Variants in ZFP3 observed in about 807,000 individuals in gnomAD.
The protein encoded by ZFP3 is ZFP3 zinc finger protein.
In ZFP3, 18 loss-of-function variants were observed where a neutral mutation model predicts 36.7. That is an observed-to-expected ratio of 0.49 (90% confidence interval 0.34 to 0.73). The LOEUF is 0.73. Ranked by LOEUF, ZFP3 falls within the 30% of genes least tolerant of loss-of-function variation. ZFP3 has a pLI of 0.01. For missense variants in ZFP3, 495 were observed against 599.0 expected (o/e 0.83, Z 1.81); for synonymous variants, 218 against 199.0 (o/e 1.10, Z -0.81).
chr17:5,087,814 C>T (rs1022882320), intron 1 of ZFP3, among the ~76,000 whole-genome samples: 12 of 152,178 alleles, frequency 7.9e-5, no homozygotes, highest in African/African-American at 2.2e-4. Flanking sequence ...CCTGCCCTTT[C>T]GTCCCTGCTT....
intron 1 of ZFP3, among the ~76,000 whole-genome samples, chr17:5,083,633 C>G (rs920223168): frequency 1.3e-5 from 2 of 151,572 alleles, no homozygotes; most frequent in African/African-American, 4.8e-5. Flanking sequence ...AAATATAGAT[C>G]TCTTGGTCCC....
At chr17:5,080,896 C>T (rs1461457232) in intron 1 of ZFP3, among the ~76,000 whole-genome samples, 2 of 152,114 alleles carry the variant, frequency 1.3e-5, no homozygotes, top group Non-Finnish European at 2.9e-5. Flanking sequence ...GGCCCCTCTT[C>T]ACTCTGATGC....
chr17:5,083,950 T>C (rs1460273939), intron 1 of ZFP3, among the ~76,000 whole-genome samples: 1 of 151,920 alleles, frequency 6.6e-6, no homozygotes. Flanking sequence ...CACTGCAACC[T>C]CCACCTCCCA....
At chr17:5,091,409 G>C in intron 1 of ZFP3, 88 bp from the exon 2 acceptor site, 2 of 1,360,340 alleles carry the variant, frequency 1.5e-6, no homozygotes, top group Non-Finnish European at 2.0e-6. Context: ...AGTGCTATGA[G>C]AACTACATCA....
At chr17:5,082,523 C>A (rs539847007) in intron 1 of ZFP3, among the ~76,000 whole-genome samples, 1 of 152,200 alleles carries the variant, frequency 6.6e-6, no homozygotes, top group African/African-American at 2.4e-5. Flanking sequence ...TTGCTCCCAA[C>A]AAAATTTTAC....
intron 1 of ZFP3, among the ~76,000 whole-genome samples, chr17:5,090,659 A>C (rs1227617366): frequency 1.3e-5 from 2 of 152,036 alleles, no homozygotes; most frequent in Non-Finnish European, 2.9e-5. Context: ...AAAGTTATTT[A>C]TATTAACTTG....
chr17:5,086,696 A>G (rs894620116), intron 1 of ZFP3, among the ~76,000 whole-genome samples: 3 of 140,824 alleles, frequency 2.1e-5, no homozygotes, highest in African/African-American at 8.0e-5. Flanking sequence ...ATATGTGACT[A>G]TCTATTGTCT....
chr17:5,081,203 C>T (rs1475251911), intron 1 of ZFP3, among the ~76,000 whole-genome samples: 1 of 151,718 alleles, frequency 6.6e-6, no homozygotes, highest in African/African-American at 2.4e-5. Context: ...ACACCATTCT[C>T]CTGCCTCAGC....
intron 1 of ZFP3, among the ~76,000 whole-genome samples, chr17:5,083,524 A>AAC (rs1812553745): frequency 6.6e-6 from 1 of 150,446 alleles, no homozygotes; most frequent in African/African-American, 2.4e-5. Context: ...CCAGCTGGGG[A>AAC]ACAAGAGTGA....
Position 5,092,790 on chromosome 17 carries a change from C to G in ZFP3, c.1286C>G (p.Thr429Ser). The change falls in exon 2 of 2, where the codon ACC becomes AGC. Residue 429 changes from threonine to serine, a missense_variant. This residue lies in a region of ZFP3 where 163 missense variants were observed against 178.4 expected (regional missense o/e 0.91). Transcript: ENST00000318833. This position sits in a 1 kb window ranked among gnomAD's most constrained non-coding sequence, Gnocchi z 5.0. ...KPHQCNECARTFWDNSELLLH... is the reference protein window; with the variant it reads ...KPHQCNECARSFWDNSELLLH... ...CATCAATGTAATGAGTGTGCAAGAA[C>G]CTTTTGGGATAATTCTGAGCTGCTT... 1 of 1,614,082 alleles carries G rather than the reference C, an allele frequency of 6.2e-7. No individual in the cohort carries two copies. Among genetic ancestry groups the G allele is most frequent in the Non-Finnish European group, 8.5e-7 (1 of 1,180,024 alleles).
chr17:5,092,869 G>A lies in ZFP3; in HGVS notation c.1365G>A (p.Glu455=). 1 of 1,614,176 alleles carries A rather than the reference G, an allele frequency of 6.2e-7. No individual in the cohort carries two copies. Among genetic ancestry groups the A allele is most frequent in the Non-Finnish European group, 8.5e-7 (1 of 1,180,038 alleles). ...AACCTTATGAATGTAGCGAGTGTGA[G>A]AAAACATTTAGCCAGCATTCCCAAC... ...GEKPYECSEC[E]KTFSQHSQLI... Residue 455 remains glutamate, a synonymous_variant, in exon 2 of 2, where the codon GAG becomes GAA. Coordinates refer to ENST00000318833, the MANE Select transcript of ZFP3 (RefSeq NM_153018.3). This position sits in a 1 kb window ranked among gnomAD's most constrained non-coding sequence, Gnocchi z 5.0.
At chr17:5,087,077 AT>A (rs35379036) in intron 1 of ZFP3, among the ~76,000 whole-genome samples, 266 of 101,540 alleles carry the variant, frequency 2.6e-3, no homozygotes, top group Middle Eastern at 7.9e-3. Context: ...ACTGCATTTG[AT>A]TTTTTTTTTT....
intron 1 of ZFP3, among the ~76,000 whole-genome samples, chr17:5,087,512 G>A (rs977351060): frequency 2.6e-5 from 4 of 152,084 alleles, no homozygotes; most frequent in South Asian, 4.2e-4. Context: ...CTTTATGAAC[G>A]GAGTCTGAAC....
At chr17:5,079,960 G>T (rs890270630) in intron 1 of ZFP3, among the ~76,000 whole-genome samples, 3 of 152,096 alleles carry the variant, frequency 2.0e-5, no homozygotes, top group Non-Finnish European at 1.5e-5. Context: ...AATCGCCTGA[G>T]CCTGGGAGGC....
chr17:5,091,657 G>C lies in ZFP3; in HGVS notation c.153G>C (p.Ser51=). 3 of 1,614,184 alleles carry C rather than the reference G, an allele frequency of 1.9e-6. No individual in the cohort carries two copies. The highest frequency in any genetic ancestry group is 2.5e-6 in the Non-Finnish European group (3 of 1,180,016). ...GCEEDMLEGH[S]RESMEEVIEQ... ...AAGAAGACATGTTGGAGGGACATTC[G>C]AGAGAGTCCATGGAAGAGGTTATAG... Residue 51 remains serine (S), a synonymous_variant, in exon 2 of 2, where the codon TCG becomes TCC. Transcript: ENST00000318833.
intron 1 of ZFP3, among the ~76,000 whole-genome samples, chr17:5,086,300 A>C (rs899036340): frequency 5.3e-5 from 8 of 152,130 alleles, no homozygotes; most frequent in African/African-American, 1.7e-4. Context: ...CCCGAGCCGG[A>C]TGGTGTTAGT....
At position 5,089,739 on chromosome 17, in the gene ZFP3, TTGACCCCCTGGGCTCAAG is replaced by T. The variant is rs532672914; in HGVS notation, c.-8-1751_-8-1734del. Among the ~76,000 whole-genome samples, 392 of 147,144 alleles carry T rather than the reference TTGACCCCCTGGGCTCAAG, an allele frequency of 2.7e-3. 5 individuals carry two copies. The highest frequency in any genetic ancestry group is 9.4e-3 in the African/African-American group (378 of 40,324). On this transcript the variant is annotated intron_variant, in intron 1 of 1. Transcript: ENST00000318833. Reference sequence around the variant, plus strand: ...GGCACAATCACGGCTCATTGCAGCCTTGACCCCCTGGGCTCAAGTGACCCTCCTACCTCAGCCTCCCCA... The same window carrying T: ...GGCACAATCACGGCTCATTGCAGCCTTGACCCTCCTACCTCAGCCTCCCCA...
chr17:5,083,539 C>T (rs1460987349), intron 1 of ZFP3, among the ~76,000 whole-genome samples: 1 of 120,318 alleles, frequency 8.3e-6, no homozygotes, highest in Non-Finnish European at 1.9e-5. Flanking sequence ...GAGTGAAACT[C>T]TATCTCAAAA....
At chr17:5,089,056 TCTC>T (rs1335961707) in intron 1 of ZFP3, among the ~76,000 whole-genome samples, 6 of 152,230 alleles carry the variant, frequency 3.9e-5, no homozygotes, top group Non-Finnish European at 8.8e-5. Context: ...TCAGGCTTAT[TCTC>T]CTGGCATTTG....
Sources: gnomAD v4.1 joint callset for allele counts (sites outside exome capture counted in the v4.1 genomes callset) on GRCh38, gnomAD v4.1.1 for gene constraint, gnomAD v4.1.1 regional missense constraint, Gnocchi (gnomAD v3.1) non-coding constraint, MANE v1.5 for transcripts, NCBI Gene and HGNC (gene_info 2026-07-23, HGNC 2026-07-21) for gene names.